ZNF492: variants seen among roughly 807,000 people sequenced by gnomAD.
The protein encoded by ZNF492 is zinc finger protein 492.
In ZNF492, 3 loss-of-function variants were observed where a neutral mutation model predicts 6.4. The ratio of observed to expected loss-of-function variants is 0.47; its 90% confidence interval spans 0.21 to 1.22. The LOEUF (loss-of-function observed/expected upper bound fraction) is 1.22. Ranked by LOEUF, ZNF492 falls within the 50% of genes most tolerant of loss-of-function variation. The pLI is 0.22. For missense variants in ZNF492, 356 were observed against 612.5 expected (o/e 0.58, Z 4.42); for synonymous variants, 112 against 205.3 (o/e 0.55, Z 3.89).
chr19:22,647,219 A>T (rs1971887449), intron 1 of ZNF492, among the ~76,000 whole-genome samples: 1 of 142,768 alleles, frequency 7.0e-6, no homozygotes, highest in African/African-American at 2.7e-5. Context: ...GTGCTGCTGG[A>T]TTCAGTTTGC....
intron 1 of ZNF492, among the ~76,000 whole-genome samples, chr19:22,649,308 T>G (rs772958444): frequency 2.6e-5 from 4 of 152,230 alleles, no homozygotes; most frequent in Non-Finnish European, 5.9e-5. Context: ...ACTGTTAGTC[T>G]GATGGACTTA....
chr19:22,643,611 T>C (rs548450455), intron 1 of ZNF492, among the ~76,000 whole-genome samples: 7 of 152,316 alleles, frequency 4.6e-5, no homozygotes, highest in East Asian at 1.9e-4. Flanking sequence ...TACCAAGTGA[T>C]TTATAAGCTC....
rs760041910 is a variant in ZNF492, at chr19:22,655,813, G to GT, written c.130+1800dup. ...GCAAACACCTCTTCAAGTTTTTCTT[G>GT]TTGTTTTTTTTTTTTTTTTTTTTTT... is the stretch of plus-strand genomic sequence containing the variant. On this transcript the variant is annotated intron_variant, in intron 3 of 3. Coordinates refer to ENST00000456783, the MANE Select transcript of ZNF492 (RefSeq NM_020855.3). Among the ~76,000 whole-genome samples the GT allele has an allele frequency of 3.3e-3, 214 of 64,884 alleles. 11 individuals are homozygous for GT. Among genetic ancestry groups the GT allele is most frequent in the South Asian group, 5.8e-3 (13 of 2,256 alleles). The allele number at this position is 64,884 out of a possible 152,430, so 42.6% of individuals were successfully genotyped here.
intron 1 of ZNF492, among the ~76,000 whole-genome samples, chr19:22,650,789 G>A (rs765827804): frequency 4.6e-5 from 7 of 152,224 alleles, no homozygotes; most frequent in East Asian, 3.9e-4. Flanking sequence ...GGAAAAGCAT[G>A]GCCAGGAGCT....
At chr19:22,650,580 C>T (rs1270307829) in intron 1 of ZNF492, among the ~76,000 whole-genome samples, 1 of 152,098 alleles carries the variant, frequency 6.6e-6, no homozygotes, top group Admixed American at 6.5e-5. Context: ...GACTCAGGCC[C>T]AGGGAGATCA....
At chr19:22,662,066 A>C (rs995742447) in intron 3 of ZNF492, among the ~76,000 whole-genome samples, 1 of 152,058 alleles carries the variant, frequency 6.6e-6, no homozygotes, top group African/African-American at 2.4e-5. Flanking sequence ...GCCATGGGTT[A>C]ATGCTATCCT....
chr19:22,646,385 G>A (rs763106097), intron 1 of ZNF492, among the ~76,000 whole-genome samples: 3 of 152,204 alleles, frequency 2.0e-5, no homozygotes, highest in Non-Finnish European at 2.9e-5. Flanking sequence ...AGACTTTGCT[G>A]AAGTTACTTA....
In ZNF492 at chr19:22,665,201, A is replaced by G; in HGVS notation, c.1532A>G (p.Asn511Ser). ...AAACTCTACAAACCTGAAAGTTGTA[A>G]CAATGCTTGTGACAACATTGCAAAG... ...GEKLYKPESCNNACDNIAKIS... is the reference protein window; with the variant it reads ...GEKLYKPESCSNACDNIAKIS... Residue 511 changes from asparagine (N) to serine (S), a missense_variant, in exon 4 of 4, where the codon AAC becomes AGC. Physicochemically the swap from Asn to Ser is conservative, Grantham distance 46. Coordinates refer to ENST00000456783, the MANE Select transcript of ZNF492 (RefSeq NM_020855.3). The G allele has an allele frequency of 1.2e-6, 2 of 1,601,498 alleles. No individual in the cohort carries two copies. Among genetic ancestry groups the G allele is most frequent in the South Asian group, 1.1e-5 (1 of 89,592 alleles).
chr19:22,663,898 G>A lies in ZNF492; in HGVS notation c.229G>A (p.Glu77Lys). ...ILRRYKKCGC[E>K]NLQLRKYCKS... ...GAGAAGATATAAAAAATGTGGATGT[G>A]AAAATTTACAGTTAAGAAAATACTG... The change falls in exon 4 of 4, where the codon GAA becomes AAA. Residue 77 changes from glutamate to lysine, a missense_variant. By Grantham distance (56) the Glu-to-Lys change is moderately conservative. Transcript: ENST00000456783. The A allele has an allele frequency of 1.3e-6, 2 of 1,593,126 alleles. No individual in the cohort carries two copies. The highest frequency in any genetic ancestry group is 1.7e-6 in the Non-Finnish European group (2 of 1,171,676).
At chr19:22,641,097 A>G (rs1971821456) in intron 1 of ZNF492, among the ~76,000 whole-genome samples, 1 of 152,046 alleles carries the variant, frequency 6.6e-6, no homozygotes, top group Non-Finnish European at 1.5e-5. Context: ...TTTCATGTCA[A>G]AATCTTCCAT....
At position 22,659,665 on chromosome 19, in the gene ZNF492, TTG is replaced by T. The variant is rs755842173; in HGVS notation, c.131-4133_131-4132del. ...GTAAATCTGAAGTGGTTTTTTTTTG[TTG>T]TTTTTTTTTTTTTTTTGAGACAGAG... is the stretch of plus-strand genomic sequence containing the variant. On this transcript the variant is annotated intron_variant, in intron 3 of 3. Transcript: ENST00000456783. 1.1e-3 allele frequency among the ~76,000 whole-genome samples: 144 copies of T among 128,484 alleles called. 4 individuals are homozygous for T. The highest frequency in any genetic ancestry group is 6.1e-3 in the South Asian group (24 of 3,932). The allele number at this position is 128,484 out of a possible 152,430, so 84.3% of individuals were successfully genotyped here. A position where few individuals can be genotyped will look rare whatever the true frequency, so the allele number is the denominator to read the frequency against.
intron 1 of ZNF492, among the ~76,000 whole-genome samples, chr19:22,651,785 A>G (rs2082445): frequency 0.19 from 29,170 of 151,974 alleles, 3,690 homozygotes; most frequent in African/African-American, 0.36. Flanking sequence ...TTAGCTGTAA[A>G]CAAATAAGAT....
At chr19:22,637,089 G>A (rs957848331) in intron 1 of ZNF492, among the ~76,000 whole-genome samples, 3 of 150,780 alleles carry the variant, frequency 2.0e-5, no homozygotes, top group African/African-American at 7.4e-5. Flanking sequence ...CCAAGTAGCT[G>A]GGATTACAGG....
intron 3 of ZNF492, among the ~76,000 whole-genome samples, chr19:22,657,675 A>G (rs1972010204): frequency 6.6e-6 from 1 of 151,966 alleles, no homozygotes; most frequent in South Asian, 2.1e-4. Flanking sequence ...TTTCATATTA[A>G]CGCATTTTTT....
intron 3 of ZNF492, among the ~76,000 whole-genome samples, chr19:22,659,650 AG>A (rs1441402731): frequency 6.9e-6 from 1 of 145,666 alleles, no homozygotes; most frequent in Non-Finnish European, 1.5e-5. Context: ...GTAAATCTGA[AG>A]TGGTTTTTTT....
intron 3 of ZNF492, among the ~76,000 whole-genome samples, chr19:22,662,020 G>A (rs1199371277): frequency 6.6e-6 from 1 of 152,006 alleles, no homozygotes; most frequent in Non-Finnish European, 1.5e-5. Context: ...GGGTACATGT[G>A]CCCAGCGTGC....
In ZNF492 at chr19:22,660,424, T is replaced by G. The variant is rs1243584707; in HGVS notation, c.131-3376T>G. ...TTGTATATTTGTACAGATTTTTTTT[T>G]TTGGTGGCACCTTGGGGGTTGCATA... On this transcript the variant is annotated intron_variant, in intron 3 of 3. Coordinates refer to ENST00000456783, the MANE Select transcript of ZNF492 (RefSeq NM_020855.3). Among the ~76,000 whole-genome samples, 62 of 151,700 alleles carry G rather than the reference T, an allele frequency of 4.1e-4. 2 individuals carry two copies. Among genetic ancestry groups the G allele is most frequent in the South Asian group, 2.1e-4 (1 of 4,806 alleles).
At chr19:22,636,956 C>CG (rs775718415) in intron 1 of ZNF492, among the ~76,000 whole-genome samples, 14 of 119,492 alleles carry the variant, frequency 1.2e-4, no homozygotes, top group East Asian at 1.0e-3. Context: ...TTTTAGTAAA[C>CG]CTTTTTTTTT....
intron 1 of ZNF492, among the ~76,000 whole-genome samples, chr19:22,644,175 C>T (rs1461633862): frequency 6.6e-6 from 1 of 152,172 alleles, no homozygotes; most frequent in East Asian, 1.9e-4. Context: ...TCCAGAGAAT[C>T]TTATCTGAGA....
Sources: gnomAD v4.1 joint callset for allele counts (sites outside exome capture counted in the v4.1 genomes callset) on GRCh38, gnomAD v4.1.1 for gene constraint, MANE v1.5 for transcripts, NCBI Gene and HGNC (gene_info 2026-07-23, HGNC 2026-07-21) for gene names.